Variants in ASTN2 observed in about 807,000 individuals in gnomAD.
The protein encoded by ASTN2 is astrotactin 2, also known as astrotactin-2.
A neutral mutation model predicts 139.8 loss-of-function variants in ASTN2; 54 were observed. The ratio of observed to expected loss-of-function variants is 0.39; its 90% CI spans 0.31 to 0.48. The LOEUF is 0.48. Ranked by LOEUF, ASTN2 falls within the 20% of genes least tolerant of loss-of-function variation. The pLI, the probability that ASTN2 is intolerant of heterozygous loss-of-function variation, is 0.95. For missense variants in ASTN2, 1,565 were observed against 1,725.1 expected, an observed-to-expected ratio of 0.91 and a Z score of 1.64; for synonymous variants, 756 against 719.5, an observed-to-expected ratio of 1.05 and a Z score of -0.81.
intron 19 of ASTN2, among the ~76,000 whole-genome samples, chr9:116,533,358 C>G (rs535055562): frequency 6.6e-6 from 1 of 152,264 alleles, no homozygotes; most frequent in South Asian, 2.1e-4. Context: ...TTATTTCTTT[C>G]TCCTGCCTGA....
intron 10 of ASTN2, among the ~76,000 whole-genome samples, chr9:116,960,240 A>C (rs1226520413): frequency 5.3e-5 from 8 of 152,104 alleles, no homozygotes; most frequent in Non-Finnish European, 1.2e-4. Context: ...GACTCCAGCC[A>C]AAGGGTTTCA....
Position 116,853,584 on chromosome 9 carries a change from C to T in ASTN2, c.2040+9999G>A, listed in dbSNP as rs77115518. On this transcript the variant is annotated intron_variant, in intron 11 of 22. Transcript: ENST00000313400. ...GTATCTGGACCCTCTCTCACAGACA[C>T]AGTGCACACCTCACTGGACTCCACT... 3.3e-4 allele frequency among the ~76,000 whole-genome samples: 50 copies of T among 152,266 alleles called. 4 individuals carry two copies. The East Asian group carries it at 9.7e-3, about 30-fold the overall frequency.
intron 1 of ASTN2, among the ~76,000 whole-genome samples, chr9:117,334,483 G>GA (rs781696426): frequency 0.05 from 7,469 of 148,868 alleles, 284 homozygotes; most frequent in Non-Finnish European, 0.067. Context: ...GTATATCAGG[G>GA]CTTTTTTTTT....
chr9:117,153,001 T>C (rs965601062), intron 3 of ASTN2, among the ~76,000 whole-genome samples: 2 of 152,152 alleles, frequency 1.3e-5, no homozygotes, highest in African/African-American at 4.8e-5. Flanking sequence ...CTGCCTCATT[T>C]TTTTACCCCC....
chr9:116,518,378 C>T (rs1334929252), intron 19 of ASTN2, among the ~76,000 whole-genome samples: 1 of 152,060 alleles, frequency 6.6e-6, no homozygotes, highest in African/African-American at 2.4e-5. Context: ...AAAAGAATTA[C>T]CAGCCAGGAA....
In ASTN2 at chr9:116,959,907, G is replaced by A. The variant is rs1393421452; in HGVS notation, c.1889+15301C>T. On this transcript the variant is annotated intron_variant, in intron 10 of 22. Coordinates refer to ENST00000313400, the MANE Select transcript of ASTN2 (RefSeq NM_001365068.1). ...CCAGAACACTTGCCTCTCCATCAGG[G>A]CCACGCAAAGCCCTGTCAGTCGCGA... is the stretch of plus-strand genomic sequence containing the variant. Among the ~76,000 whole-genome samples the A allele has an allele frequency of 3.9e-5, 6 of 152,154 alleles. No homozygotes were observed. The South Asian group carries it at 8.3e-4, about 21-fold the overall frequency.
At chr9:116,491,431 G>A (rs545953866) in intron 19 of ASTN2, among the ~76,000 whole-genome samples, 128 of 152,244 alleles carry the variant, frequency 8.4e-4, no homozygotes, top group Non-Finnish European at 1.4e-3. Flanking sequence ...GTTTGAAAAT[G>A]ATAGTATTAG....
intron 20 of ASTN2, among the ~76,000 whole-genome samples, chr9:116,471,589 G>T (rs1848815373): frequency 1.3e-5 from 2 of 151,986 alleles, no homozygotes; most frequent in South Asian, 4.2e-4. Context: ...AGAGAAGGAA[G>T]TTGGGCAGTA....
intron 3 of ASTN2, among the ~76,000 whole-genome samples, chr9:117,152,871 C>G (rs558174799): frequency 2.9e-4 from 44 of 152,150 alleles, no homozygotes; most frequent in Non-Finnish European, 5.1e-4. Context: ...TATTCAATCA[C>G]AATAACACTA....
intron 10 of ASTN2, among the ~76,000 whole-genome samples, chr9:116,905,855 T>G (rs1834141553): frequency 7.2e-6 from 1 of 137,938 alleles, no homozygotes. Flanking sequence ...GATCCCTGTT[T>G]TTTTTTTTTT....
chr9:117,404,310 A>G (rs1380515984), intron 1 of ASTN2, among the ~76,000 whole-genome samples: 2 of 152,228 alleles, frequency 1.3e-5, no homozygotes, highest in African/African-American at 2.4e-5. Context: ...ATTTGATCCC[A>G]GGGCTTTTGG....
intron 16 of ASTN2, among the ~76,000 whole-genome samples, chr9:116,668,189 G>T (rs1473584720): frequency 1.4e-5 from 2 of 146,396 alleles, no homozygotes; most frequent in Admixed American, 6.7e-5. Flanking sequence ...ATAGATTTCA[G>T]ATTGGCTTTT....
intron 16 of ASTN2, among the ~76,000 whole-genome samples, chr9:116,686,021 C>A (rs1238782965): frequency 6.6e-6 from 1 of 152,020 alleles, no homozygotes; most frequent in African/African-American, 2.4e-5. Flanking sequence ...AGTGAGAAAT[C>A]ATTTGGCATT....
chr9:117,219,825 A>G, intron 2 of ASTN2, among the ~76,000 whole-genome samples: 1 of 152,092 alleles, frequency 6.6e-6, no homozygotes, highest in East Asian at 1.9e-4. Context: ...TTGTTCTATT[A>G]CTGACAGTGA....
intron 19 of ASTN2, among the ~76,000 whole-genome samples, chr9:116,530,577 T>C (rs1023366183): frequency 2.0e-5 from 3 of 152,116 alleles, no homozygotes; most frequent in Non-Finnish European, 4.4e-5. Flanking sequence ...TCAAATATCA[T>C]GCTGTATACC....
At chr9:117,108,438 A>C (rs199695692) in intron 4 of ASTN2, among the ~76,000 whole-genome samples, 23 of 145,346 alleles carry the variant, frequency 1.6e-4, no homozygotes, top group Admixed American at 6.2e-4. Context: ...AACAAAACAA[A>C]ACACACACAC....
At chr9:117,364,252 A>G (rs1424903522) in intron 1 of ASTN2, among the ~76,000 whole-genome samples, 1 of 152,184 alleles carries the variant, frequency 6.6e-6, no homozygotes, top group Non-Finnish European at 1.5e-5. Context: ...TGACTTGTTC[A>G]AGGTCTTAGC....
chr9:116,560,916 AT>A (rs1372591538), intron 19 of ASTN2, among the ~76,000 whole-genome samples: 3 of 152,220 alleles, frequency 2.0e-5, no homozygotes, highest in African/African-American at 7.2e-5. Context: ...CAAAACTGGT[AT>A]TTGGCAAAGC....
intron 16 of ASTN2, among the ~76,000 whole-genome samples, chr9:116,660,954 G>A (rs1048573346): frequency 6.6e-6 from 1 of 151,998 alleles, no homozygotes; most frequent in Non-Finnish European, 1.5e-5. Flanking sequence ...TACAAAGTAG[G>A]GATTGTTGCC....
Sources: allele counts gnomAD v4.1 joint callset (sites outside exome capture counted in the v4.1 genomes callset), GRCh38; gene constraint gnomAD v4.1.1; transcripts MANE v1.5; gene names NCBI Gene and HGNC (gene_info 2026-07-23, HGNC 2026-07-21).